RPN2: variants seen among roughly 807,000 people sequenced by gnomAD.
RPN2 encodes the protein dolichyl-diphosphooligosaccharide--protein glycosyltransferase subunit 2.
In RPN2, 29 loss-of-function variants were observed where a neutral mutation model predicts 71.4. The observed-to-expected ratio is 0.41, with a 90% CI of 0.30 to 0.55. The LOEUF is 0.55. RPN2 is among the 20% of genes least tolerant of loss of function. RPN2 has a pLI of 0.35. For synonymous variants in RPN2, 308 were observed against 305.0 expected (o/e 1.01, Z -0.10); for missense variants, 726 against 774.1 (o/e 0.94, Z 0.74).
At chr20:37,238,319 T>G in intron 16 of RPN2, 2 of 1,039,128 alleles carry the variant, frequency 1.9e-6, no homozygotes, top group Non-Finnish European at 1.5e-6. Context: ...GAAGCTCTGG[T>G]TGGGTGTTTG....
At chr20:37,221,072 G>A (rs534839110) in intron 9 of RPN2, among the ~76,000 whole-genome samples, 2 of 152,296 alleles carry the variant, frequency 1.3e-5, no homozygotes, top group East Asian at 3.9e-4. Flanking sequence ...GCTGGATCCT[G>A]ATTAGCTGGC....
At chr20:37,234,479 C>T (rs565284388) in intron 15 of RPN2, among the ~76,000 whole-genome samples, 5 of 152,330 alleles carry the variant, frequency 3.3e-5, no homozygotes, top group African/African-American at 7.2e-5. Context: ...CATTTGCTGC[C>T]GGCTCTGTCT....
intron 9 of RPN2, 37 bp from the exon 10 acceptor site, chr20:37,223,841 A>G (rs760770153): frequency 2.6e-6 from 4 of 1,561,540 alleles, no homozygotes; most frequent in Non-Finnish European, 1.8e-6. Context: ...AACACCCACC[A>G]ATTGACCTGG....
At chr20:37,227,192 G>T (rs1423525824) in intron 11 of RPN2, among the ~76,000 whole-genome samples, 1 of 152,214 alleles carries the variant, frequency 6.6e-6, no homozygotes, top group Non-Finnish European at 1.5e-5. Context: ...CAGCCTCTTA[G>T]CATTTCCCAG....
At chr20:37,185,337 A>G (rs967638213) in intron 2 of RPN2, among the ~76,000 whole-genome samples, 5 of 151,972 alleles carry the variant, frequency 3.3e-5, no homozygotes, top group Admixed American at 6.6e-5. Flanking sequence ...GGGTTTTGCC[A>G]TGTTGCCCAG....
rs188042865 is a variant in RPN2 at position 37,230,032 on chromosome 20, C to T, written c.1554C>T (p.Asn518=). The change falls in exon 13 of 17, where the codon AAC becomes AAT. Residue 518 remains asparagine (N), a synonymous_variant. Coordinates refer to ENST00000237530, the MANE Select transcript of RPN2 (RefSeq NM_002951.5). ...EEAPSTVLSQ[N]LFTPKQEIQH... Reference sequence around the variant, plus strand: ...CTCCCTCGACTGTCTTGTCCCAGAACCTTTTCACTCCAAAACAGGAAATTC... The same window carrying T: ...CTCCCTCGACTGTCTTGTCCCAGAATCTTTTCACTCCAAAACAGGAAATTC... 21 of 1,614,148 alleles carry T rather than the reference C, an allele frequency of 1.3e-5. No homozygotes were observed. The Admixed American group carries it at 3.0e-4, about 23-fold the overall frequency.
chr20:37,184,195 TC>T lies in RPN2; in HGVS notation c.31del (p.Leu11CysfsTer4). The part of the protein sequence containing the change: MAPPGSSTV[F>X]LLALTIIAST... ...TCCCCCCAAGGTTCAAGCACTGTCT[TC>T]CTGTTGGCCCTGACAATCATAGCCA... is the stretch of plus-strand genomic sequence containing the variant. On this transcript the variant is annotated frameshift_variant, in exon 2 of 17. Transcript: ENST00000237530. LOFTEE classifies it high-confidence loss of function. 1 of 1,614,152 alleles carries T rather than the reference TC, an allele frequency of 6.2e-7. No homozygotes were observed. Among genetic ancestry groups the T allele is most frequent in the South Asian group, 1.1e-5 (1 of 91,084 alleles).
intron 2 of RPN2, among the ~76,000 whole-genome samples, chr20:37,195,362 G>A (rs947911615): frequency 6.6e-6 from 1 of 152,206 alleles, no homozygotes; most frequent in African/African-American, 2.4e-5. Context: ...GTGTAGGAAT[G>A]ATGCTTGTCT....
chr20:37,236,284 G>A (rs1478896499), intron 15 of RPN2, among the ~76,000 whole-genome samples: 1 of 151,974 alleles, frequency 6.6e-6, no homozygotes, highest in East Asian at 1.9e-4. Context: ...ATAGACACGA[G>A]GTCTCACTGT....
intron 13 of RPN2, 81 bp downstream of exon 13, chr20:37,230,140 A>T: frequency 3.7e-6 from 4 of 1,085,786 alleles, no homozygotes; most frequent in Non-Finnish European, 5.7e-6. Context: ...GCTCCCTTTA[A>T]CTTGTTTTGT....
rs2067306265 is a variant in RPN2, at chr20:37,198,499, C to A, written c.303+7C>A. On this transcript the variant is annotated splice_region_variant and intron_variant, in intron 3 of 16. Transcript: ENST00000237530. ...GGCCCTCTCAGGATGTGAGGTGAGT[C>A]CGGGTTCCTACGCTGACAATGACTT... 1 of 1,614,126 alleles carries A rather than the reference C, an allele frequency of 6.2e-7. No homozygotes were observed. Among genetic ancestry groups the A allele is most frequent in the African/African-American group, 1.3e-5 (1 of 75,036 alleles).
At chr20:37,194,546 G>T (rs1380127235) in intron 2 of RPN2, among the ~76,000 whole-genome samples, 1 of 152,274 alleles carries the variant, frequency 6.6e-6, no homozygotes, top group Non-Finnish European at 1.5e-5. Flanking sequence ...ACAGGCGTGA[G>T]CCATCACGCC....
intron 11 of RPN2, among the ~76,000 whole-genome samples, chr20:37,228,037 C>T (rs1442667570): frequency 2.6e-5 from 4 of 152,112 alleles, no homozygotes; most frequent in Admixed American, 1.3e-4. Flanking sequence ...TCTTCCAAGC[C>T]GAGGCTCTCT....
At chr20:37,190,784 C>G (rs919050463) in intron 2 of RPN2, among the ~76,000 whole-genome samples, 4 of 152,154 alleles carry the variant, frequency 2.6e-5, no homozygotes, top group African/African-American at 9.7e-5. Flanking sequence ...ATCACATACT[C>G]CATTCTAATT....
At chr20:37,182,224 G>T (rs1357122295) in intron 1 of RPN2, among the ~76,000 whole-genome samples, 1 of 152,018 alleles carries the variant, frequency 6.6e-6, no homozygotes, top group Non-Finnish European at 1.5e-5. Flanking sequence ...CTCCCAAGTA[G>T]TTTGGATTAC....
chr20:37,218,473 C>T (rs1281886578), intron 9 of RPN2, among the ~76,000 whole-genome samples: 2 of 151,156 alleles, frequency 1.3e-5, no homozygotes, highest in Non-Finnish European at 1.5e-5. Flanking sequence ...TTTGGGAGGC[C>T]GAGGTAGGTG....
intron 12 of RPN2, among the ~76,000 whole-genome samples, chr20:37,229,294 G>A (rs1016850808): frequency 2.6e-5 from 4 of 152,230 alleles, no homozygotes; most frequent in African/African-American, 9.7e-5. Flanking sequence ...TTGCAAGACA[G>A]GGCATTTGAG....
chr20:37,224,094 T>G, intron 10 of RPN2, 125 bp downstream of exon 10: 1 of 785,696 alleles, frequency 1.3e-6, no homozygotes, highest in Non-Finnish European at 2.2e-6. Flanking sequence ...CATCCTAAAT[T>G]AAAGAGTCTG....
intron 1 of RPN2, chr20:37,179,615 G>A: frequency 2.0e-6 from 2 of 993,898 alleles, no homozygotes; most frequent in Non-Finnish European, 2.7e-6. Context: ...TCGCCCCGAG[G>A]CTCAGCCGTG....
Sources: allele counts gnomAD v4.1 joint callset (sites outside exome capture counted in the v4.1 genomes callset), GRCh38; gene constraint gnomAD v4.1.1; transcripts MANE v1.5; gene names NCBI Gene and HGNC (gene_info 2026-07-23, HGNC 2026-07-21).